ZBBX: variants seen among roughly 807,000 people sequenced by gnomAD.
The protein encoded by ZBBX is zinc finger B-box domain containing, also known as zinc finger B-box domain-containing protein 1.
ZBBX carries 101 observed loss-of-function variants against 108.5 expected under a neutral mutation model. The ratio of observed to expected loss-of-function variants is 0.93; its 90% confidence interval spans 0.79 to 1.10. The LOEUF is 1.10. ZBBX is among the 50% of genes least tolerant of loss of function. The pLI, the probability that ZBBX is intolerant of heterozygous loss-of-function variation, is 0.00. For synonymous variants in ZBBX, 356 were observed against 323.4 expected, an observed-to-expected ratio of 1.10 and a Z score of -1.08; for missense variants, 1,009 against 941.4, an observed-to-expected ratio of 1.07 and a Z score of -0.94.
At chr3:167,222,457 G>A in the ZBBX span, among the ~76,000 whole-genome samples, 1 of 151,636 alleles carries the variant, frequency 6.6e-6, no homozygotes, top group African/African-American at 2.4e-5. Context: ...GATGATTAAT[G>A]TGGACAAAAA....
intron 12 of ZBBX, among the ~76,000 whole-genome samples, chr3:167,321,251 C>T (rs367819962): frequency 2.6e-5 from 4 of 151,916 alleles, no homozygotes; most frequent in East Asian, 1.9e-4. Context: ...GGGTATTAAC[C>T]TATCTAGCAG....
chr3:167,289,536 A>C (rs1249530275), intron 18 of ZBBX, among the ~76,000 whole-genome samples: 1 of 152,214 alleles, frequency 6.6e-6, no homozygotes, highest in African/African-American at 2.4e-5. Context: ...AGCCAAGGGA[A>C]GCCATTAGGG....
upstream of ZBBX, chr3:167,380,493 T>C (rs1747630288): frequency 6.6e-6 from 1 of 152,160 alleles, no homozygotes; most frequent in Admixed American, 6.6e-5. Context: ...AGAGAGGATC[T>C]TGGAGATTAT....
chr3:167,373,971 G>C (rs897239747), intron 2 of ZBBX, among the ~76,000 whole-genome samples, 184 bp from the exon 3 acceptor site: 1 of 152,206 alleles, frequency 6.6e-6, no homozygotes, highest in Non-Finnish European at 1.5e-5. Context: ...TCAACTAAAA[G>C]TGAAGGATAC....
intron 9 of ZBBX, among the ~76,000 whole-genome samples, chr3:167,341,204 T>C (rs147324118): frequency 6.6e-6 from 1 of 151,976 alleles, no homozygotes; most frequent in Non-Finnish European, 1.5e-5. Flanking sequence ...CCTTGACCCA[T>C]AGAGTGGCAA....
intron 1 of ZBBX, among the ~76,000 whole-genome samples, chr3:167,392,627 T>C (rs1748110339): frequency 6.6e-6 from 1 of 151,804 alleles, no homozygotes; most frequent in African/African-American, 2.4e-5. Context: ...GATTAGTCAT[T>C]GAACCCCATC....
intron 12 of ZBBX, among the ~76,000 whole-genome samples, chr3:167,321,391 A>G (rs1409479176): frequency 6.6e-6 from 1 of 152,044 alleles, no homozygotes; most frequent in Non-Finnish European, 1.5e-5. Context: ...AGCTGGAAAC[A>G]GATTACAGTT....
At chr3:167,218,289 A>T in the ZBBX span, among the ~76,000 whole-genome samples, 1 of 152,258 alleles carries the variant, frequency 6.6e-6, no homozygotes, top group East Asian at 1.9e-4. Context: ...GAAAGTGAAA[A>T]CTCACTGGTA....
chr3:167,288,113 A>G (rs1730033960), intron 19 of ZBBX, among the ~76,000 whole-genome samples: 1 of 152,084 alleles, frequency 6.6e-6, no homozygotes, highest in South Asian at 2.1e-4. Context: ...AAGTGCTAAT[A>G]TCCTCAAAAT....
At chr3:167,271,400 C>A (rs1289761666) in intron 20 of ZBBX, among the ~76,000 whole-genome samples, 2 of 152,204 alleles carry the variant, frequency 1.3e-5, no homozygotes, top group African/African-American at 4.8e-5. Context: ...ATCTGGAACA[C>A]CTGTCTTTCA....
At chr3:167,346,803 C>G (rs576158783) in intron 9 of ZBBX, among the ~76,000 whole-genome samples, 1 of 151,858 alleles carries the variant, frequency 6.6e-6, no homozygotes, top group South Asian at 2.1e-4. Flanking sequence ...ACAACAAAAA[C>G]TTTATGCATA....
At chr3:167,342,798 CAA>C (rs374133887) in intron 9 of ZBBX, among the ~76,000 whole-genome samples, 4 of 121,898 alleles carry the variant, frequency 3.3e-5, no homozygotes, top group South Asian at 2.7e-4. Context: ...GTTATTACCA[CAA>C]AAAAAAAAAA....
intron 1 of ZBBX, among the ~76,000 whole-genome samples, chr3:167,389,956 C>T (rs1748039856): frequency 6.6e-6 from 1 of 152,068 alleles, no homozygotes; most frequent in African/African-American, 2.4e-5. Context: ...TGTGCAGAAG[C>T]TGTTTAGTTT....
At chr3:167,372,780 T>C (rs952859003) in intron 4 of ZBBX, 54 bp downstream of exon 4, 1 of 888,106 alleles carries the variant, frequency 1.1e-6, no homozygotes. Flanking sequence ...AAAATTACAA[T>C]ATACAGAAGC....
At chr3:167,352,615 C>T (rs187179092) in intron 8 of ZBBX, among the ~76,000 whole-genome samples, 8 of 151,716 alleles carry the variant, frequency 5.3e-5, no homozygotes, top group African/African-American at 1.9e-4. Context: ...GGAAATACTC[C>T]CTACTCATTC....
the ZBBX span, among the ~76,000 whole-genome samples, chr3:167,226,566 G>C: frequency 6.6e-6 from 1 of 151,684 alleles, no homozygotes; most frequent in Admixed American, 6.6e-5. Context: ...AAATCTGTTG[G>C]AAACAGATTT....
chr3:167,312,188 C>T (rs1734705222), intron 16 of ZBBX, among the ~76,000 whole-genome samples: 2 of 152,010 alleles, frequency 1.3e-5, no homozygotes, highest in African/African-American at 2.4e-5. Context: ...TTATTAAAGG[C>T]TATGTACTGT....
At chr3:167,276,854 G>A (rs1417451325) in intron 20 of ZBBX, among the ~76,000 whole-genome samples, 1 of 151,970 alleles carries the variant, frequency 6.6e-6, no homozygotes, top group Non-Finnish European at 1.5e-5. Context: ...GAAAGGTCGG[G>A]TTACCCTCAA....
chr3:167,372,884 A>T lies in ZBBX; in HGVS notation c.18T>A (p.Phe6Leu), dbSNP rs750367953. 2 of 1,603,010 alleles carry T rather than the reference A, an allele frequency of 1.2e-6. No individual in the cohort carries two copies. The highest frequency in any genetic ancestry group is 2.2e-5 in the South Asian group (2 of 89,134). The change falls in exon 4 of 22, where the codon TTT becomes TTA. Residue 6 changes from phenylalanine (F) to leucine (L), a missense_variant. By Grantham distance (22) the Phe-to-Leu change is conservative. Coordinates refer to ENST00000675490, the MANE Select transcript of ZBBX (RefSeq NM_001199201.2). Reference protein sequence around the residue: MNRKDFVVLPWGKPGN... With the variant: MNRKDLVVLPWGKPGN... ...CAGGTTTTCCCCATGGAAGAACTAC[A>T]AAATCTTTTCTGTTCATGATTACCA...
Sources: allele counts gnomAD v4.1 joint callset (sites outside exome capture counted in the v4.1 genomes callset), GRCh38; gene constraint gnomAD v4.1.1; transcripts MANE v1.5; gene names NCBI Gene and HGNC (gene_info 2026-07-23, HGNC 2026-07-21).